Variants in MEIS1 observed in about 807,000 individuals in gnomAD.
MEIS1 encodes Meis homeobox 1, also known as homeobox protein Meis1.
Under a neutral mutation model 50.8 loss-of-function variants are expected in MEIS1, and 5 were observed. The observed-to-expected ratio is 0.10, with a 90% CI of 0.05 to 0.21. The LOEUF (loss-of-function observed/expected upper bound fraction) is 0.21, where lower values mean the gene tolerates loss of function less well. Ranked by LOEUF, MEIS1 falls within the 10% of genes least tolerant of loss-of-function variation. MEIS1 has a pLI of 1.00. For synonymous variants in MEIS1, 176 were observed against 179.3 expected (o/e 0.98, Z 0.15); for missense variants, 318 against 517.3 (o/e 0.61, Z 3.74).
chr2:66,472,127 C>A (rs1403453578), intron 7 of MEIS1, among the ~76,000 whole-genome samples: 1 of 152,110 alleles, frequency 6.6e-6, no homozygotes, highest in African/African-American at 2.4e-5. Context: ...GCCAGATCTC[C>A]CAGGCATTCC....
chr2:66,516,577 TTGTGTG>T (rs59154318), intron 8 of MEIS1, among the ~76,000 whole-genome samples: 22 of 148,240 alleles, frequency 1.5e-4, no homozygotes, highest in African/African-American at 2.2e-4. Context: ...CCTGGAAAAT[TTGTGTG>T]TGTGTGTGTG....
rs1219499639 is a variant in MEIS1 at position 66,548,967 on chromosome 2, T to C, written c.965+948T>C. Among the ~76,000 whole-genome samples, 3 of 152,202 alleles carry C rather than the reference T, an allele frequency of 2.0e-5. No homozygotes were observed. In the East Asian group the frequency reaches 5.8e-4, roughly 29 times the overall value. On this transcript the variant is annotated intron_variant, in intron 9 of 12. Coordinates refer to ENST00000272369, the MANE Select transcript of MEIS1 (RefSeq NM_002398.3). ...GTTCAATAAGTGTCAAAGATTAATA[T>C]TACAGAATCTCTGATTACATGGCCT...
At chr2:66,461,879 T>C (rs925053302) in intron 6 of MEIS1, 2 of 470,696 alleles carry the variant, frequency 4.2e-6, no homozygotes, top group Non-Finnish European at 4.4e-6. Flanking sequence ...AAAATGGTGA[T>C]GAAAAAAGGT....
rs562647527 is a variant in MEIS1 at position 66,561,837 on chromosome 2, C to T, written c.966-5616C>T. ...TACGCCTAGTTGGCAAGAAACACGA[C>T]GGGGGGTGAAGCAGAGCCATGTCAT... is the stretch of plus-strand genomic sequence containing the variant. On this transcript the variant is annotated intron_variant, in intron 9 of 12. Coordinates refer to ENST00000272369, the MANE Select transcript of MEIS1 (RefSeq NM_002398.3). Among the ~76,000 whole-genome samples, 21 of 152,126 alleles carry T rather than the reference C, an allele frequency of 1.4e-4. 1 individual carries two copies. The South Asian group carries it at 1.5e-3, about 11-fold the overall frequency.
intron 7 of MEIS1, chr2:66,509,025 GT>G (rs994783650): frequency 2.1e-6 from 1 of 471,214 alleles, no homozygotes; most frequent in Non-Finnish European, 4.4e-6. Flanking sequence ...GGTTCTCCAA[GT>G]TTGTTTAGTG....
intron 7 of MEIS1, among the ~76,000 whole-genome samples, chr2:66,502,174 C>G (rs1673572924): frequency 6.6e-6 from 1 of 152,178 alleles, no homozygotes; most frequent in Non-Finnish European, 1.5e-5. Flanking sequence ...ATCCACAGAA[C>G]TCATTTACTG....
chr2:66,513,308 A>G (rs1385580713), intron 8 of MEIS1, among the ~76,000 whole-genome samples: 1 of 152,116 alleles, frequency 6.6e-6, no homozygotes. Context: ...TTTTTGTCTT[A>G]GCTTGCTTTT....
chr2:66,490,939 T>C (rs1673256585), intron 7 of MEIS1, among the ~76,000 whole-genome samples: 1 of 152,218 alleles, frequency 6.6e-6, no homozygotes, highest in Admixed American at 6.5e-5. Flanking sequence ...GTTGCATCTT[T>C]ATCTCTCCGG....
intron 9 of MEIS1, among the ~76,000 whole-genome samples, chr2:66,554,385 C>T (rs771614454): frequency 1.3e-5 from 2 of 152,166 alleles, no homozygotes; most frequent in East Asian, 1.9e-4. Flanking sequence ...CCCGATGGGG[C>T]AGGACTTGAC....
At chr2:66,549,016 G>A (rs917864722) in intron 9 of MEIS1, among the ~76,000 whole-genome samples, 5 of 152,122 alleles carry the variant, frequency 3.3e-5, no homozygotes, top group African/African-American at 1.2e-4. Context: ...GAATAAATTT[G>A]TTCTTGATGT....
intron 7 of MEIS1, among the ~76,000 whole-genome samples, chr2:66,481,808 T>G (rs1673021071): frequency 6.6e-6 from 1 of 151,808 alleles, no homozygotes; most frequent in African/African-American, 2.4e-5. Flanking sequence ...TGAAATGGAG[T>G]TTAGAGGATC....
At chr2:66,452,887 A>G (rs1486350200) in intron 6 of MEIS1, among the ~76,000 whole-genome samples, 1 of 151,988 alleles carries the variant, frequency 6.6e-6, no homozygotes, top group Non-Finnish European at 1.5e-5. Context: ...ACTTCTTTGC[A>G]CAAAATAACA....
intron 7 of MEIS1, among the ~76,000 whole-genome samples, chr2:66,501,994 T>C (rs1182720766): frequency 6.6e-6 from 1 of 152,222 alleles, no homozygotes; most frequent in African/African-American, 2.4e-5. Flanking sequence ...AGTGAAGTGA[T>C]AGAAGCTTAA....
In MEIS1 at chr2:66,448,046, T is replaced by C. The variant is rs907858807; in HGVS notation, c.630+4998T>C. 6.6e-5 allele frequency among the ~76,000 whole-genome samples: 10 copies of C among 152,276 alleles called. No individual in the cohort carries two copies. The East Asian group carries it at 1.9e-3, about 29-fold the overall frequency. On this transcript the variant is annotated intron_variant, in intron 6 of 12. Coordinates refer to ENST00000272369, the MANE Select transcript of MEIS1 (RefSeq NM_002398.3). ...CTCCATTGCTCACCATTCTGAAATA[T>C]ATAGAGTAGTTGTTTTATATAGCTA... is the stretch of plus-strand genomic sequence containing the variant.
intron 8 of MEIS1, among the ~76,000 whole-genome samples, chr2:66,517,483 A>C (rs1673998885): frequency 6.6e-6 from 1 of 152,072 alleles, no homozygotes; most frequent in South Asian, 2.1e-4. Context: ...TAAGAAGAAT[A>C]TTTTCATAGT....
chr2:66,532,939 G>GT (rs562252931), intron 8 of MEIS1, among the ~76,000 whole-genome samples: 13 of 152,132 alleles, frequency 8.5e-5, no homozygotes, highest in African/African-American at 2.6e-4. Context: ...AAAGAAGACA[G>GT]TTTTTTTTAT....
chr2:66,523,902 G>A (rs183169687), intron 8 of MEIS1, among the ~76,000 whole-genome samples: 2 of 149,654 alleles, frequency 1.3e-5, no homozygotes, highest in Admixed American at 6.6e-5. Flanking sequence ...TTTTCCACTC[G>A]TTGTTCCTAT....
chr2:66,486,454 T>C (rs1645725847), intron 7 of MEIS1, among the ~76,000 whole-genome samples: 1 of 152,220 alleles, frequency 6.6e-6, no homozygotes, highest in Non-Finnish European at 1.5e-5. Context: ...TCCATTGGTC[T>C]ATATATCTGC....
intron 6 of MEIS1, among the ~76,000 whole-genome samples, chr2:66,447,368 G>T (rs994943102): frequency 1.3e-4 from 20 of 152,192 alleles, no homozygotes; most frequent in African/African-American, 4.1e-4. Flanking sequence ...ACTTGCAAGT[G>T]ATAAAGTCTT....
Sources: gnomAD v4.1 joint callset for allele counts (sites outside exome capture counted in the v4.1 genomes callset) on GRCh38, gnomAD v4.1.1 for gene constraint, MANE v1.5 for transcripts, NCBI Gene and HGNC (gene_info 2026-07-23, HGNC 2026-07-21) for gene names.